DOLPP1: variants seen among roughly 807,000 people sequenced by gnomAD.
DOLPP1 encodes the protein dolichyl pyrophosphate phosphatase 1.
Under a neutral mutation model 34.1 loss-of-function variants are expected in DOLPP1, and 15 were observed. The ratio of observed to expected loss-of-function variants is 0.44; its 90% confidence interval spans 0.29 to 0.68. DOLPP1 has a LOEUF of 0.68. Among genes scored for constraint, DOLPP1 ranks in the 30% least tolerant of loss-of-function variants. DOLPP1 has a pLI of 0.12. For synonymous variants in DOLPP1, 130 were observed against 128.2 expected, an observed-to-expected ratio of 1.01 and a Z score of -0.10; for missense variants, 249 against 307.1, an observed-to-expected ratio of 0.81 and a Z score of 1.41.
chr9:129,086,158 A>T lies in DOLPP1; in HGVS notation c.481A>T (p.Thr161Ser). The T allele has an allele frequency of 6.2e-7, 1 of 1,613,408 alleles. No homozygotes were observed. The highest frequency in any genetic ancestry group is 8.5e-7 in the Non-Finnish European group (1 of 1,179,914). ...SYSRVYLLYH[T>S]WSQVLYGGIA... ...GCCCAGGGTCTACCTGCTGTACCACACCTGGAGCCAGGTGCTCTATGGAGG... is the reference window on the plus strand; with the variant it reads ...GCCCAGGGTCTACCTGCTGTACCACTCCTGGAGCCAGGTGCTCTATGGAGG... Residue 161 changes from threonine to serine, a missense_variant, in exon 6 of 8, where the codon ACC (threonine) becomes TCC (serine). Coordinates refer to ENST00000372546, the MANE Select transcript of DOLPP1 (RefSeq NM_020438.5).
chr9:129,087,256 A>G (rs972825350), intron 7 of DOLPP1, among the ~76,000 whole-genome samples: 1 of 151,682 alleles, frequency 6.6e-6, no homozygotes, highest in African/African-American at 2.4e-5. Flanking sequence ...ATGCTGTTTC[A>G]TTCACCCCAA....
intron 7 of DOLPP1, 152 bp from the exon 8 acceptor site, chr9:129,088,819 G>A (rs1187873193): frequency 1.4e-6 from 1 of 691,340 alleles, no homozygotes; most frequent in Non-Finnish European, 2.6e-6. Context: ...CCATTCCCAG[G>A]GCAGGTGCTC....
Position 129,084,766 on chromosome 9 carries a change from A to G in DOLPP1, c.175A>G (p.Thr59Ala). Residue 59 changes from threonine (T) to alanine (A), a missense_variant and splice_region_variant, in exon 2 of 8, where the codon ACG becomes GCG. Transcript: ENST00000372546. ...CATCATATTTAAGCGGGAGCTGCAC[A>G]CGGTGAGTCTGTCTTGCCCACACCC... The part of the protein sequence containing the change: ...TLIIFKRELH[T>A]ISFLGGLALN... 1 of 1,608,966 alleles carries G rather than the reference A, an allele frequency of 6.2e-7. No homozygotes were observed. The highest frequency in any genetic ancestry group is 8.5e-7 in the Non-Finnish European group (1 of 1,175,596).
chr9:129,086,017 T>A (rs1846981269), intron 5 of DOLPP1, 122 bp from the exon 6 acceptor site: 1 of 952,728 alleles, frequency 1.0e-6, no homozygotes, highest in Non-Finnish European at 1.6e-6. Flanking sequence ...GGAGTCAGTG[T>A]CCTGTCTGTG....
Position 129,086,738 on chromosome 9 carries a change from A to G in DOLPP1, c.620A>G (p.Asp207Gly). Residue 207 changes from aspartate (D) to glycine (G), a missense_variant, in exon 7 of 8, where the codon GAC becomes GGC. Physicochemically the swap from Asp to Gly is moderately conservative, Grantham distance 94. Coordinates refer to ENST00000372546, the MANE Select transcript of DOLPP1 (RefSeq NM_020438.5). ...WPVSEFFLIR[D>G]TSLIPNVLWF... Reference sequence around the variant, plus strand: ...GTCTCCGAGTTCTTCCTAATCCGAGACACAAGCCTCATTCCCAACGTACTC... The same window carrying G: ...GTCTCCGAGTTCTTCCTAATCCGAGGCACAAGCCTCATTCCCAACGTACTC... 6.2e-7 allele frequency: 1 copy of G among 1,613,878 alleles called. No individual in the cohort carries two copies. The highest frequency in any genetic ancestry group is 8.5e-7 in the Non-Finnish European group (1 of 1,179,996).
chr9:129,084,456 G>T (rs1420537046), intron 1 of DOLPP1: 1 of 652,212 alleles, frequency 1.5e-6, no homozygotes, highest in East Asian at 2.5e-5. Flanking sequence ...CGCATGCTGT[G>T]TGCACTTTAG....
chr9:129,082,838 G>A (rs991226254), intron 1 of DOLPP1, among the ~76,000 whole-genome samples: 2 of 152,198 alleles, frequency 1.3e-5, no homozygotes, highest in African/African-American at 4.8e-5. Context: ...AAGAGACCCT[G>A]TCTCTACTCC....
chr9:129,083,698 T>A (rs999902483), intron 1 of DOLPP1, among the ~76,000 whole-genome samples: 1 of 152,184 alleles, frequency 6.6e-6, no homozygotes, highest in Non-Finnish European at 1.5e-5. Flanking sequence ...GGGACCAAGC[T>A]GGGTGTCTCA....
chr9:129,086,001 C>A, intron 5 of DOLPP1, 138 bp from the exon 6 acceptor site: 1 of 806,014 alleles, frequency 1.2e-6, no homozygotes, highest in Non-Finnish European at 2.0e-6. Context: ...TGAGGCTGTG[C>A]CCCGTGGAGT....
rs199624896 is a variant in DOLPP1 at position 129,085,009 on chromosome 9, G to A, written c.178-14G>A. ...TGCACAGAGGCCCAGCTGACCATGC[G>A]TCTTCCCCAGCAGATCTCCTTCCTT... On this transcript the variant is annotated splice_polypyrimidine_tract_variant and intron_variant, in intron 2 of 7. Coordinates refer to ENST00000372546, the MANE Select transcript of DOLPP1 (RefSeq NM_020438.5). The surrounding 1 kb of genome is among the most constrained non-coding windows in gnomAD (Gnocchi z 7.0). The A allele has an allele frequency of 1.9e-5, 29 of 1,554,642 alleles. No individual in the cohort carries two copies. Among genetic ancestry groups the A allele is most frequent in the African/African-American group, 4.1e-5 (3 of 73,144 alleles).
chr9:129,085,798 G>A lies in DOLPP1; in HGVS notation c.461+182G>A, dbSNP rs1005826561. ...CCAGCTGCCTCTTCTAGCCCAGTCC[G>A]CACTGAGCCCAAGATTCTGGGACCA... On this transcript the variant is annotated intron_variant, in intron 5 of 7. Transcript: ENST00000372546. The surrounding 1 kb of genome is among the most constrained non-coding windows in gnomAD (Gnocchi z 7.0). Among the ~76,000 whole-genome samples, 2 of 152,208 alleles carry A rather than the reference G, an allele frequency of 1.3e-5. No homozygotes were observed. Among genetic ancestry groups the A allele is most frequent in the African/African-American group, 4.8e-5 (2 of 41,456 alleles).
At chr9:129,082,029 C>G (rs748144133) in intron 1 of DOLPP1, among the ~76,000 whole-genome samples, 5 of 152,182 alleles carry the variant, frequency 3.3e-5, no homozygotes, top group African/African-American at 1.2e-4. Context: ...GCAGGAGGCA[C>G]AAGAAGGGCT....
intron 7 of DOLPP1, among the ~76,000 whole-genome samples, chr9:129,087,675 G>A (rs1285070775): frequency 7.1e-6 from 1 of 140,564 alleles, no homozygotes; most frequent in Non-Finnish European, 1.6e-5. Flanking sequence ...AGCCTGGGAG[G>A]TTTCTAGGCA....
chr9:129,084,661 T>G lies in DOLPP1; in HGVS notation c.77-7T>G. The G allele has an allele frequency of 6.3e-7, 1 of 1,590,200 alleles. No homozygotes were observed. Among genetic ancestry groups the G allele is most frequent in the East Asian group, 2.2e-5 (1 of 44,788 alleles). ...TGTCCTCCTGATTCTGTTCTCTGTC[T>G]TGCCAGGTGATCTCTCTGGCCACCT... On this transcript the variant is annotated splice_region_variant and splice_polypyrimidine_tract_variant and intron_variant, in intron 1 of 7. Coordinates refer to ENST00000372546, the MANE Select transcript of DOLPP1 (RefSeq NM_020438.5).
At position 129,081,202 on chromosome 9, in the gene DOLPP1, C is replaced by T; in HGVS notation, c.71C>T (p.Pro24Leu). ...GTGACCCTCACCCACGTCGAATATC[C>T]TGCAGGTAAAAGGCGGTCCCGGCTC... The part of the protein sequence containing the change: ...RPVTLTHVEY[P>L]AGDLSGHLLA... The change falls in exon 1 of 8, where the codon CCT becomes CTT. Residue 24 changes from proline to leucine, a missense_variant. Coordinates refer to ENST00000372546, the MANE Select transcript of DOLPP1 (RefSeq NM_020438.5). 1.9e-6 allele frequency: 3 copies of T among 1,610,064 alleles called. No homozygotes were observed. Among genetic ancestry groups the T allele is most frequent in the East Asian group, 2.2e-5 (1 of 44,762 alleles).
At chr9:129,087,453 C>CT (rs1847012069) in intron 7 of DOLPP1, among the ~76,000 whole-genome samples, 1 of 151,952 alleles carries the variant, frequency 6.6e-6, no homozygotes, top group African/African-American at 2.4e-5. Flanking sequence ...GTAGCTGGGA[C>CT]TACAGGCGCC....
chr9:129,087,891 G>T (rs1001736422), intron 7 of DOLPP1, among the ~76,000 whole-genome samples: 1 of 150,934 alleles, frequency 6.6e-6, no homozygotes, highest in African/African-American at 2.4e-5. Context: ...TCACTGGCCT[G>T]CCCCGCCTCA....
chr9:129,086,872 C>A, intron 7 of DOLPP1, 74 bp downstream of exon 7: 1 of 1,330,860 alleles, frequency 7.5e-7, no homozygotes, highest in Non-Finnish European at 1.1e-6. Context: ...GAGGGCTCTC[C>A]GGGAGCCTCG....
chr9:129,086,255 G>A lies in DOLPP1; in HGVS notation c.578G>A (p.Arg193Lys). ...TQEVLTPLFPRIAAWPVSEFF... is the reference protein window; with the variant it reads ...TQEVLTPLFPKIAAWPVSEFF... ...GAGGTCCTCACCCCGCTGTTCCCCA[G>A]GATAGCAGCCTGGTAACTGCCTCCT... Residue 193 changes from arginine (R) to lysine (K), a missense_variant, in exon 6 of 8, where the codon AGG becomes AAG. Arg to Lys is a conservative substitution (Grantham distance 26). Coordinates refer to ENST00000372546, the MANE Select transcript of DOLPP1 (RefSeq NM_020438.5). 6.2e-7 allele frequency: 1 copy of A among 1,613,298 alleles called. No individual in the cohort carries two copies. The highest frequency in any genetic ancestry group is 1.1e-5 in the South Asian group (1 of 91,070).
Sources: gnomAD v4.1 joint callset for allele counts (sites outside exome capture counted in the v4.1 genomes callset) on GRCh38, gnomAD v4.1.1 for gene constraint, Gnocchi (gnomAD v3.1) non-coding constraint, MANE v1.5 for transcripts, NCBI Gene and HGNC (gene_info 2026-07-23, HGNC 2026-07-21) for gene names.